ADAMTSL1: variants seen among roughly 807,000 people sequenced by gnomAD.
The protein encoded by ADAMTSL1 is ADAMTS like 1.
Under a neutral mutation model 201.8 loss-of-function variants are expected in ADAMTSL1, and 126 were observed. The ratio of observed to expected loss-of-function variants is 0.62; its 90% CI spans 0.54 to 0.72. The LOEUF is 0.72. ADAMTSL1 is among the 30% of genes least tolerant of loss of function. The probability of loss-of-function intolerance (pLI) is 0.00; values close to 1 mark genes in which losing one functional copy is unlikely to be tolerated. For missense variants in ADAMTSL1, 2,679 were observed against 2,277.8 expected (o/e 1.18, Z -3.59); for synonymous variants, 1,121 against 903.4 (o/e 1.24, Z -4.32).
chr9:18,325,728 T>G (rs953551481), intron 2 of ADAMTSL1, among the ~76,000 whole-genome samples: 3 of 151,802 alleles, frequency 2.0e-5, no homozygotes, highest in Non-Finnish European at 2.9e-5. Context: ...CTGAAGCCTC[T>G]TTTAAAAGGA....
rs560997642 is a variant in ADAMTSL1 at position 18,392,229 on chromosome 9, G to T, written c.208-112600G>T. Among the ~76,000 whole-genome samples, 59 of 152,154 alleles carry T rather than the reference G, an allele frequency of 3.9e-4. 1 individual carries two copies. The highest frequency in any genetic ancestry group is 1.3e-3 in the African/African-American group (54 of 41,512). ...GTAATAAGGGTCCTACTACTTTATG[G>T]TACTGATGTGATTACAAAATAATGT... is the stretch of plus-strand genomic sequence containing the variant. On this transcript the variant is annotated intron_variant, in intron 2 of 29. Transcript: ENST00000680146.
At chr9:18,368,922 T>A (rs1836909525) in intron 2 of ADAMTSL1, among the ~76,000 whole-genome samples, 1 of 152,198 alleles carries the variant, frequency 6.6e-6, no homozygotes, top group Non-Finnish European at 1.5e-5. Flanking sequence ...TCACAGATGG[T>A]TCAAACTGAT....
chr9:18,709,591 A>C (rs535231949), intron 14 of ADAMTSL1, among the ~76,000 whole-genome samples: 112 of 152,330 alleles, frequency 7.4e-4, no homozygotes, highest in African/African-American at 1.3e-3. Context: ...ATCAAATATC[A>C]TGTAACAATT....
intron 2 of ADAMTSL1, among the ~76,000 whole-genome samples, chr9:18,463,098 T>C (rs1025223595): frequency 5.7e-4 from 87 of 152,098 alleles, no homozygotes; most frequent in African/African-American, 2.0e-3. Flanking sequence ...ATTTGAAAAT[T>C]TACTCCAGAG....
chr9:18,409,940 A>G (rs1319908804), intron 2 of ADAMTSL1, among the ~76,000 whole-genome samples: 1 of 151,370 alleles, frequency 6.6e-6, no homozygotes, highest in African/African-American at 2.4e-5. Context: ...TCTTCAAACT[A>G]TACAGCTAGG....
chr9:18,771,906 G>A (rs1280924557), intron 17 of ADAMTSL1, among the ~76,000 whole-genome samples: 1 of 152,182 alleles, frequency 6.6e-6, no homozygotes. Flanking sequence ...ATGAGATGGT[G>A]CCTGCTAAGT....
intron 2 of ADAMTSL1, among the ~76,000 whole-genome samples, chr9:18,245,500 T>G (rs1587388166): frequency 6.6e-6 from 1 of 152,064 alleles, no homozygotes; most frequent in East Asian, 1.9e-4. Context: ...GCAAAGGCAC[T>G]TTAGGCTAAT....
At chr9:18,457,324 G>T (rs1056090555) in intron 2 of ADAMTSL1, among the ~76,000 whole-genome samples, 1 of 151,610 alleles carries the variant, frequency 6.6e-6, no homozygotes, top group Non-Finnish European at 1.5e-5. Context: ...ATTAAGGAGG[G>T]AATAATTTCT....
chr9:18,636,400 C>T (rs919446503), intron 6 of ADAMTSL1, among the ~76,000 whole-genome samples: 39 of 151,868 alleles, frequency 2.6e-4, no homozygotes, highest in Non-Finnish European at 1.3e-4. Context: ...TTCCTTTATT[C>T]TCTTTTTCTA....
Position 18,533,237 on chromosome 9 carries a change from T to C in ADAMTSL1, c.192-10T>C, listed in dbSNP as rs979605222. The C allele has an allele frequency of 2.1e-5, 33 of 1,603,448 alleles. No individual in the cohort carries two copies. Among genetic ancestry groups the C allele is most frequent in the African/African-American group, 4.0e-5 (3 of 74,542 alleles). On this transcript the variant is annotated splice_polypyrimidine_tract_variant and intron_variant, in intron 2 of 28. Transcript: ENST00000380548. The stretch of plus-strand genomic sequence containing the variant: ...AGTAGTAATATTTCTTTTTTCTTTT[T>C]GCAACTTAGGAGCTGTGAAGGAAGA...
chr9:18,289,170 T>TATCTATCTATCTATCTATCTATC (rs763390848), intron 2 of ADAMTSL1, among the ~76,000 whole-genome samples: 6 of 121,976 alleles, frequency 4.9e-5, no homozygotes, highest in African/African-American at 1.4e-4. Flanking sequence ...TCTATCTATC[T>TATCTATCTATCTATCTATCTATC]ATCTACCTAC....
intron 5 of ADAMTSL1, among the ~76,000 whole-genome samples, chr9:18,633,697 T>C (rs1009213449): frequency 1.2e-4 from 18 of 151,896 alleles, no homozygotes; most frequent in African/African-American, 3.9e-4. Flanking sequence ...TTTCTGTTGT[T>C]GTTCTTATAT....
rs1554667527 is a variant in ADAMTSL1 at position 17,940,812 on chromosome 9, C to CCA, written c.87+33890_87+33891insCA. ...ATAAAAGTAAATAACACCCCCCCCC[C>CCA]AAAAAAAAGAAAGAAATAACGACTC... On this transcript the variant is annotated intron_variant, in intron 1 of 29. Coordinates refer to the ADAMTSL1 transcript ENST00000680146. Among the ~76,000 whole-genome samples the CCA allele has an allele frequency of 3.6e-3, 74 of 20,284 alleles. 4 individuals carry two copies. The highest frequency in any genetic ancestry group is 7.3e-3 in the African/African-American group (60 of 8,238). 13.3% of individuals were successfully genotyped at this position (20,284 alleles called of 152,430 possible).
chr9:18,429,497 C>A (rs972732134), intron 2 of ADAMTSL1, among the ~76,000 whole-genome samples: 1 of 152,046 alleles, frequency 6.6e-6, no homozygotes, highest in Admixed American at 6.6e-5. Flanking sequence ...GTTTCTAAAC[C>A]AAAACTTTGA....
At chr9:18,623,297 A>T (rs1826149968) in intron 5 of ADAMTSL1, among the ~76,000 whole-genome samples, 1 of 152,212 alleles carries the variant, frequency 6.6e-6, no homozygotes, top group Non-Finnish European at 1.5e-5. Context: ...AATTTCACAC[A>T]ATCGTCCCAT....
chr9:18,470,013 T>TA (rs1821146302), upstream of ADAMTSL1, among the ~76,000 whole-genome samples: 1 of 152,170 alleles, frequency 6.6e-6, no homozygotes. Flanking sequence ...ATAATAAATA[T>TA]AAAATACTTA....
At chr9:17,942,908 A>G (rs569221385) in intron 1 of ADAMTSL1, among the ~76,000 whole-genome samples, 116 of 152,204 alleles carry the variant, frequency 7.6e-4, no homozygotes, top group African/African-American at 2.6e-3. Flanking sequence ...TGCATACTAC[A>G]ATGTAACTTC....
At chr9:18,305,377 G>C (rs926972147) in intron 2 of ADAMTSL1, among the ~76,000 whole-genome samples, 2 of 152,196 alleles carry the variant, frequency 1.3e-5, no homozygotes, top group East Asian at 3.9e-4. Flanking sequence ...CTCCTAGAAA[G>C]GGGGCTGAAG....
intron 3 of ADAMTSL1, among the ~76,000 whole-genome samples, chr9:18,561,809 G>T (rs1821520940): frequency 6.6e-6 from 1 of 151,980 alleles, no homozygotes; most frequent in Non-Finnish European, 1.5e-5. Flanking sequence ...ATCTTTGTTG[G>T]TTTAAAGTCT....
Sources: gnomAD v4.1 joint callset for allele counts (sites outside exome capture counted in the v4.1 genomes callset) on GRCh38, gnomAD v4.1.1 for gene constraint, MANE v1.5 for transcripts, NCBI Gene and HGNC (gene_info 2026-07-23, HGNC 2026-07-21) for gene names.